The following ZNF23 variants were observed in gnomAD, a reference collection of about 807,000 sequenced individuals.
ZNF23 encodes the protein zinc finger protein 23.
Under a neutral mutation model 56.2 loss-of-function variants are expected in ZNF23, and 48 were observed. The ratio of observed to expected loss-of-function variants is 0.85; its 90% CI spans 0.68 to 1.09. The LOEUF is 1.09. Among genes scored for constraint, ZNF23 ranks in the 50% least tolerant of loss-of-function variants. The pLI is 0.00. For synonymous variants in ZNF23, 266 were observed against 283.3 expected (o/e 0.94, Z 0.61); for missense variants, 805 against 811.4 (o/e 0.99, Z 0.10).
Position 71,448,316 on chromosome 16 carries a change from T to C in ZNF23, c.1838A>G (p.His613Arg), listed in dbSNP as rs2042920203. The C allele has an allele frequency of 6.2e-7, 1 of 1,611,638 alleles. No homozygotes were observed. Among genetic ancestry groups the C allele is most frequent in the Non-Finnish European group, 8.5e-7 (1 of 1,179,422 alleles). ...ATGCCGAATTAAATGGGCATTAACATGGAAGGCTTTTCCACACTCCTTACA... is the reference window on the plus strand; with the variant it reads ...ATGCCGAATTAAATGGGCATTAACACGGAAGGCTTTTCCACACTCCTTACA... ...FQCKECGKAF[H>R]VNAHLIRHQR... The change falls in exon 5 of 5, where the codon CAT (histidine) becomes CGT (arginine). Residue 613 changes from histidine (H) to arginine (R), a missense_variant. His to Arg is a conservative substitution (Grantham distance 29). Transcript: ENST00000647773.
rs375487643 is a variant in ZNF23, at chr16:71,453,364, G to T, written c.161-14C>A. ...GAAGTGGAAATCCTGGTTTGGGAGA[G>T]GTAAATAGGAGAGACAGATGAATAA... On this transcript the variant is annotated splice_polypyrimidine_tract_variant and intron_variant, in intron 3 of 4. Transcript: ENST00000647773. 189 of 1,558,312 alleles carry T rather than the reference G, an allele frequency of 1.2e-4. No homozygotes were observed. The highest frequency in any genetic ancestry group is 1.6e-4 in the Non-Finnish European group (187 of 1,143,458).
At chr16:71,461,756 C>T (rs766202798) in intron 1 of ZNF23, 4 of 152,320 alleles carry the variant, frequency 2.6e-5, no homozygotes, top group Non-Finnish European at 5.9e-5. Flanking sequence ...TCCCACTCGG[C>T]CCTAATTCAT....
intron 2 of ZNF23, among the ~76,000 whole-genome samples, chr16:71,455,661 T>C (rs2043204939): frequency 6.6e-6 from 1 of 152,062 alleles, no homozygotes; most frequent in African/African-American, 2.4e-5. Flanking sequence ...CCGGCCATGA[T>C]TTTTCTATCT....
At chr16:71,454,271 G>C in intron 2 of ZNF23, 103 bp from the exon 3 acceptor site, 1 of 1,427,718 alleles carries the variant, frequency 7.0e-7, no homozygotes, top group Non-Finnish European at 9.2e-7. Context: ...GCTTGTGAGA[G>C]CACAAAATTA....
At position 71,448,787 on chromosome 16, in the gene ZNF23, A is replaced by G. The variant is rs1162793054; in HGVS notation, c.1367T>C (p.Ile456Thr). The change falls in exon 5 of 5, where the codon ATT becomes ACT. Residue 456 changes from isoleucine (I) to threonine (T), a missense_variant. Transcript: ENST00000647773. ...VKGKLIQHQR[I>T]HTGEKPYECN... is the part of the protein sequence containing the mutation. ...CTCATAGGGTTTCTCGCCTGTGTGA[A>G]TTCTCTGGTGTTGGATTAACTTCCC... 1.2e-6 allele frequency: 2 copies of G among 1,614,142 alleles called. No homozygotes were observed. The highest frequency in any genetic ancestry group is 1.7e-5 in the Admixed American group (1 of 60,018).
chr16:71,458,559 G>T (rs2043322039), intron 1 of ZNF23, among the ~76,000 whole-genome samples: 1 of 152,174 alleles, frequency 6.6e-6, no homozygotes, highest in Non-Finnish European at 1.5e-5. Flanking sequence ...ATGGAGACGG[G>T]GCCTGTCAGG....
Position 71,448,341 on chromosome 16 carries a change from A to C in ZNF23, c.1813T>G (p.Cys605Gly). The change falls in exon 5 of 5, where the codon TGT (cysteine) becomes GGT (glycine). Residue 605 changes from cysteine (C) to glycine (G), a missense_variant. Cys to Gly is a radical substitution (Grantham distance 159). Coordinates refer to ENST00000647773, the MANE Select transcript of ZNF23 (RefSeq NM_001381984.1). The stretch of plus-strand genomic sequence containing the variant: ...TGGAAGGCTTTTCCACACTCCTTAC[A>C]CTGAAAGGGTTTCTCTCCTGTATGG... ...RIHTGEKPFQ[C>G]KECGKAFHVN... is the part of the protein sequence containing the mutation. 6.2e-7 allele frequency: 1 copy of C among 1,613,974 alleles called. No individual in the cohort carries two copies. The highest frequency in any genetic ancestry group is 8.5e-7 in the Non-Finnish European group (1 of 1,179,982).
chr16:71,461,347 A>C (rs2043447981), intron 1 of ZNF23, among the ~76,000 whole-genome samples: 1 of 152,160 alleles, frequency 6.6e-6, no homozygotes, highest in African/African-American at 2.4e-5. Context: ...AGGACCCAAA[A>C]TGTAATACAA....
intron 1 of ZNF23, among the ~76,000 whole-genome samples, chr16:71,460,913 T>C (rs1159047571): frequency 1.3e-5 from 2 of 152,126 alleles, no homozygotes; most frequent in Non-Finnish European, 2.9e-5. Flanking sequence ...CCATTGAAAA[T>C]ACATCGATAA....
At chr16:71,459,197 C>A (rs1404211806) in intron 1 of ZNF23, among the ~76,000 whole-genome samples, 1 of 152,226 alleles carries the variant, frequency 6.6e-6, no homozygotes, top group African/African-American at 2.4e-5. Context: ...ATGTGGGACA[C>A]CTGTGGACAC....
At chr16:71,455,129 G>T (rs1567562947) in intron 2 of ZNF23, among the ~76,000 whole-genome samples, 1 of 152,218 alleles carries the variant, frequency 6.6e-6, no homozygotes, top group Non-Finnish European at 1.5e-5. Flanking sequence ...AGGTGTTTCT[G>T]TGAGCCTTCT....
rs1292888728 is a variant in ZNF23 at position 71,447,980 on chromosome 16, T to A, written c.*113A>T. ...CTGAATAGAATAAAAACTGTTTCCA[T>A]ATGAAGACTCTGCCATATTCATGCC... On this transcript the variant is annotated 3_prime_UTR_variant, in exon 5 of 5. Coordinates refer to ENST00000647773, the MANE Select transcript of ZNF23 (RefSeq NM_001381984.1). 10 of 773,012 alleles carry A rather than the reference T, an allele frequency of 1.3e-5. No individual in the cohort carries two copies. The highest frequency in any genetic ancestry group is 2.0e-5 in the Non-Finnish European group (10 of 506,088). The allele number at this position is 773,012 out of a possible 1,614,324, so 47.9% of individuals were successfully genotyped here.
chr16:71,456,755 A>G lies in ZNF23; in HGVS notation c.33+9T>C. On this transcript the variant is annotated intron_variant, in intron 2 of 4. Coordinates refer to ENST00000647773, the MANE Select transcript of ZNF23 (RefSeq NM_001381984.1). Reference sequence around the variant, plus strand: ...CCCAGAGGAAGAGCTGAAGGACCCCACAGCTCACCTGGGGCCAGGCTGTCA... The same window carrying G: ...CCCAGAGGAAGAGCTGAAGGACCCCGCAGCTCACCTGGGGCCAGGCTGTCA... The G allele has an allele frequency of 2.0e-6, 2 of 986,042 alleles. No homozygotes were observed. Among genetic ancestry groups the G allele is most frequent in the South Asian group, 9.4e-5 (2 of 21,288 alleles). 61.1% of individuals were successfully genotyped at this position (986,042 alleles called of 1,614,324 possible).
chr16:71,448,441 C>A lies in ZNF23; in HGVS notation c.1713G>T (p.Gly571=), dbSNP rs769673287. The A allele has an allele frequency of 1.1e-5, 17 of 1,614,142 alleles. No homozygotes were observed. The African/African-American group carries it at 2.3e-4, about 22-fold the overall frequency. Residue 571 remains glycine (G), a synonymous_variant, in exon 5 of 5, where the codon GGG becomes GGT. Coordinates refer to ENST00000647773, the MANE Select transcript of ZNF23 (RefSeq NM_001381984.1). ...KLTRHQRIHT[G]EKPFKCMECE... is the part of the protein sequence containing the mutation. ...ATTCCATACATTTGAAAGGTTTCTC[C>A]CCAGTATGTATCCTCTGATGCCTAG...
At chr16:71,453,437 T>C (rs2043123220) in intron 3 of ZNF23, 87 bp from the exon 4 acceptor site, 2 of 1,050,220 alleles carry the variant, frequency 1.9e-6, no homozygotes, top group South Asian at 1.4e-5. Flanking sequence ...GTCTCAGCAA[T>C]GGGGAGGGAA....
intron 1 of ZNF23, among the ~76,000 whole-genome samples, chr16:71,459,491 C>T (rs998478352): frequency 6.6e-6 from 1 of 152,224 alleles, no homozygotes. Context: ...CTTTGTTCCA[C>T]GTTCTGCTTT....
chr16:71,454,692 C>T (rs1226067964), intron 2 of ZNF23, among the ~76,000 whole-genome samples: 1 of 152,198 alleles, frequency 6.6e-6, no homozygotes, highest in African/African-American at 2.4e-5. Flanking sequence ...TTGAGCACCT[C>T]CAGCCAAGGA....
intron 1 of ZNF23, among the ~76,000 whole-genome samples, chr16:71,458,750 G>A (rs1256879381): frequency 6.6e-6 from 1 of 152,214 alleles, no homozygotes; most frequent in Non-Finnish European, 1.5e-5. Context: ...AGCCAGGAAG[G>A]CAACCCTGGC....
chr16:71,453,140 G>C, intron 4 of ZNF23, 103 bp downstream of exon 4: 2 of 775,290 alleles, frequency 2.6e-6, no homozygotes, highest in South Asian at 3.5e-5. Context: ...ACTTCACTCT[G>C]TATGACTGGC....
Sources: gnomAD v4.1 joint callset for allele counts (sites outside exome capture counted in the v4.1 genomes callset) on GRCh38, gnomAD v4.1.1 for gene constraint, MANE v1.5 for transcripts, NCBI Gene and HGNC (gene_info 2026-07-23, HGNC 2026-07-21) for gene names.